Variants in ZP3 observed in about 807,000 individuals in gnomAD.
ZP3 encodes zona pellucida glycoprotein 3, also known as zona pellucida sperm-binding protein 3.
Under a neutral mutation model 35.6 loss-of-function variants are expected in ZP3, and 21 were observed. The ratio of observed to expected loss-of-function variants is 0.59; its 90% CI spans 0.42 to 0.85. The LOEUF (loss-of-function observed/expected upper bound fraction) is 0.85, where lower values mean the gene tolerates loss of function less well. Ranked by LOEUF, ZP3 falls within the 40% of genes least tolerant of loss-of-function variation. The pLI, the probability that ZP3 is intolerant of heterozygous loss-of-function variation, is 0.00. For missense variants in ZP3, 437 were observed against 536.5 expected (o/e 0.81, Z 1.83); for synonymous variants, 207 against 214.5 (o/e 0.96, Z 0.31).
upstream of ZP3, among the ~76,000 whole-genome samples, chr7:76,424,344 C>A (rs1435630094): frequency 6.6e-6 from 1 of 152,090 alleles, no homozygotes; most frequent in African/African-American, 2.4e-5. Flanking sequence ...TTCAAGTGGG[C>A]TGGGGCGGGC....
At chr7:76,420,145 C>T (rs1275724776), upstream of ZP3, among the ~76,000 whole-genome samples, 1 of 151,514 alleles carries the variant, frequency 6.6e-6, no homozygotes, top group African/African-American at 2.4e-5. Flanking sequence ...TCCTCTTCCC[C>T]TTCCTATTCC....
chr7:76,399,068 A>G (rs1198582281), intron 1 of ZP3, among the ~76,000 whole-genome samples: 1 of 151,284 alleles, frequency 6.6e-6, no homozygotes, highest in African/African-American at 2.4e-5. Context: ...CTGGAGTGCA[A>G]TGGTGCAATC....
intron 5 of ZP3, among the ~76,000 whole-genome samples, chr7:76,434,626 G>C (rs2115922377): frequency 7.4e-6 from 1 of 134,612 alleles, no homozygotes; most frequent in East Asian, 2.5e-4. Flanking sequence ...GTGACAGTGA[G>C]ACTCCATCTC....
At chr7:76,419,838 G>A (rs545851706) in intron 1 of ZP3, among the ~76,000 whole-genome samples, 5 of 125,630 alleles carry the variant, frequency 4.0e-5, no homozygotes, top group African/African-American at 9.2e-5. Context: ...TCACTCTGTC[G>A]CCAGGCTGGA....
chr7:76,435,434 C>T (rs1269046070), intron 5 of ZP3, among the ~76,000 whole-genome samples: 22 of 151,496 alleles, frequency 1.5e-4, no homozygotes, highest in African/African-American at 4.7e-4. Flanking sequence ...GAATTACAGG[C>T]GTGAGCCACC....
At chr7:76,427,274 T>C (rs889072820) in intron 1 of ZP3, among the ~76,000 whole-genome samples, 1 of 152,122 alleles carries the variant, frequency 6.6e-6, no homozygotes, top group Non-Finnish European at 1.5e-5. Context: ...CCCAGCACTT[T>C]GGGAGGCCGA....
intron 4 of ZP3, 71 bp downstream of exon 4, chr7:76,433,718 TGA>T: frequency 6.8e-7 from 1 of 1,464,086 alleles, no homozygotes; most frequent in Non-Finnish European, 9.3e-7. Context: ...TTTGGCTTTT[TGA>T]GACAGTGTCA....
intron 5 of ZP3, among the ~76,000 whole-genome samples, chr7:76,437,488 GT>G (rs869291884): frequency 1.0e-3 from 115 of 109,866 alleles, no homozygotes; most frequent in African/African-American, 3.3e-3. Flanking sequence ...TTTTTTTTTT[GT>G]TTTTTTTTGG....
In ZP3 at chr7:76,408,709, A is replaced by C. The variant is rs533845380; in HGVS notation, c.-67+10912A>C. Among the ~76,000 whole-genome samples the C allele has an allele frequency of 2.2e-3, 330 of 152,230 alleles. 1 individual carries two copies. The highest frequency in any genetic ancestry group is 7.6e-3 in the African/African-American group (314 of 41,554). ...GCCTGCCTCCTACCCTCCCAGCTCC[A>C]AGGTGGGCCCCTCCAGTCTGCTCCT... On this transcript the variant is annotated intron_variant, in intron 1 of 8. Transcript: ENST00000336517.
At chr7:76,439,145 A>AC (rs1554626561) in intron 5 of ZP3, among the ~76,000 whole-genome samples, 10,209 of 130,060 alleles carry the variant, frequency 0.078, 155 homozygotes, top group African/African-American at 0.18. Flanking sequence ...AAAAAAAAAA[A>AC]AAAAAACCTC....
intron 5 of ZP3, among the ~76,000 whole-genome samples, chr7:76,438,108 A>G (rs1435020817): frequency 2.0e-5 from 3 of 152,378 alleles, no homozygotes; most frequent in African/African-American, 7.2e-5. Flanking sequence ...AGGTGGCAGA[A>G]TTGCCATGCT....
chr7:76,423,025 G>GAGAGAGAGAAAGAAAGAAAGAAAGAA (rs1278384225), upstream of ZP3, among the ~76,000 whole-genome samples: 10 of 75,834 alleles, frequency 1.3e-4, no homozygotes, highest in Admixed American at 1.6e-4. Context: ...GAGAGAGAGA[G>GAGAGAGAGAAAGAAAGAAAGAAAGAA]AGAAAGAAAG....
Position 76,425,019 on chromosome 7 carries a change from C to G in ZP3, c.55C>G (p.Leu19Val), listed in dbSNP as rs760414285. Residue 19 changes from leucine to valine, a missense_variant, in exon 1 of 8, where the codon CTG (leucine) becomes GTG (valine). By Grantham distance (32) the Leu-to-Val change is conservative. Around this residue, in one of 6 missense-constraint regions of ZP3, gnomAD observed 352 missense variants for 308.4 expected, o/e 1.14. Coordinates refer to ENST00000394857, the MANE Select transcript of ZP3 (RefSeq NM_001110354.2). ...CCTCCTGCTCTGGGGTAGTACTGAGCTGTGCTACCCCCAACCCCTCTGGCT... is the reference window on the plus strand; with the variant it reads ...CCTCCTGCTCTGGGGTAGTACTGAGGTGTGCTACCCCCAACCCCTCTGGCT... ...ICLLLWGSTE[L>V]CYPQPLWLLQ... The G allele has an allele frequency of 6.3e-7, 1 of 1,582,756 alleles. No individual in the cohort carries two copies. Among genetic ancestry groups the G allele is most frequent in the East Asian group, 2.3e-5 (1 of 43,378 alleles).
At chr7:76,401,054 G>T in intron 1 of ZP3, 2 of 1,544,254 alleles carry the variant, frequency 1.3e-6, no homozygotes, top group South Asian at 2.4e-5. Context: ...CTGAAACAGA[G>T]TGAGGAAGAG....
chr7:76,398,583 G>GTGATTACA, intron 1 of ZP3: 1 of 971,716 alleles, frequency 1.0e-6, no homozygotes, highest in Non-Finnish European at 1.6e-6. Flanking sequence ...GGGATTACAG[G>GTGATTACA]TGTGAGCCAC....
At chr7:76,427,339 A>C (rs1394285044) in intron 1 of ZP3, among the ~76,000 whole-genome samples, 3 of 151,848 alleles carry the variant, frequency 2.0e-5, no homozygotes, top group Admixed American at 6.6e-5. Context: ...CGATGGTGAA[A>C]CCTCATCTCT....
chr7:76,407,371 G>A (rs1225334737), intron 1 of ZP3, among the ~76,000 whole-genome samples: 6 of 149,002 alleles, frequency 4.0e-5, no homozygotes, highest in South Asian at 2.1e-4. Flanking sequence ...TCGCCTTGTC[G>A]CCCAGGCTGG....
chr7:76,433,866 T>C (rs995755950), intron 4 of ZP3, 172 bp from the exon 5 acceptor site: 8 of 1,100,864 alleles, frequency 7.3e-6, no homozygotes, highest in Middle Eastern at 2.3e-4. Flanking sequence ...GCCTGGCTAA[T>C]TTTTGTATTT....
Position 76,425,018 on chromosome 7 carries a change from G to A in ZP3, c.54G>A (p.Glu18=). Residue 18 remains glutamate (E), a synonymous_variant, in exon 1 of 8, where the codon GAG becomes GAA. Coordinates refer to ENST00000394857, the MANE Select transcript of ZP3 (RefSeq NM_001110354.2). ...FICLLLWGST[E]LCYPQPLWLL... Reference sequence around the variant, plus strand: ...GCCTCCTGCTCTGGGGTAGTACTGAGCTGTGCTACCCCCAACCCCTCTGGC... The same window carrying A: ...GCCTCCTGCTCTGGGGTAGTACTGAACTGTGCTACCCCCAACCCCTCTGGC... The A allele has an allele frequency of 6.3e-6, 10 of 1,581,738 alleles. No homozygotes were observed. Among genetic ancestry groups the A allele is most frequent in the Non-Finnish European group, 8.6e-6 (10 of 1,164,612 alleles).
Sources: gnomAD v4.1 joint callset for allele counts (sites outside exome capture counted in the v4.1 genomes callset) on GRCh38, gnomAD v4.1.1 for gene constraint, gnomAD v4.1.1 regional missense constraint, MANE v1.5 for transcripts, NCBI Gene and HGNC (gene_info 2026-07-23, HGNC 2026-07-21) for gene names.